DHRS3: variants seen among roughly 807,000 people sequenced by gnomAD.
DHRS3 encodes dehydrogenase/reductase 3.
In DHRS3, 14 loss-of-function variants were observed where a neutral mutation model predicts 27.2. The ratio of observed to expected loss-of-function variants is 0.52; its 90% CI spans 0.34 to 0.81. DHRS3 has a LOEUF of 0.81. Among genes scored for constraint, DHRS3 ranks in the 30% least tolerant of loss-of-function variants. DHRS3 has a pLI of 0.01. For synonymous variants in DHRS3, 165 were observed against 175.9 expected (o/e 0.94, Z 0.49); for missense variants, 322 against 406.2 (o/e 0.79, Z 1.78).
Position 12,593,248 on chromosome 1 carries a change from G to A in DHRS3, c.196-12582C>T, listed in dbSNP as rs78721879. On this transcript the variant is annotated intron_variant, in intron 1 of 5. Transcript: ENST00000616661. The surrounding 1 kb of genome is among the most constrained non-coding windows in gnomAD (Gnocchi z 4.6). ...TCTCAGCTACTCCCTCCTAGGTCTC[G>A]GCCCTGCAGAAGCACTGGCCCCCTC... is the stretch of plus-strand genomic sequence containing the variant. Among the ~76,000 whole-genome samples, 1,374 of 152,240 alleles carry A rather than the reference G, an allele frequency of 9.0e-3. 24 individuals carry two copies. Among genetic ancestry groups the A allele is most frequent in the African/African-American group, 0.032 (1,327 of 41,550 alleles).
intron 1 of DHRS3, among the ~76,000 whole-genome samples, chr1:12,614,654 A>G (rs1646932178): frequency 6.6e-6 from 1 of 151,852 alleles, no homozygotes; most frequent in African/African-American, 2.4e-5. Context: ...TTCCCAAATA[A>G]ACAGATAACT....
In DHRS3 at chr1:12,591,479, C is replaced by T. The variant is rs1646745053; in HGVS notation, c.196-10813G>A. On this transcript the variant is annotated intron_variant, in intron 1 of 5. Transcript: ENST00000616661. This position sits in a 1 kb window ranked among gnomAD's most constrained non-coding sequence, Gnocchi z 4.1. The stretch of plus-strand genomic sequence containing the variant: ...AGATCAGCCAGTGGTGTCGCCCTCC[C>T]ACAAGTCCCTGACCGCAACCTGGAG... Among the ~76,000 whole-genome samples the T allele has an allele frequency of 6.6e-6, 1 of 152,256 alleles. No individual in the cohort carries two copies. The highest frequency in any genetic ancestry group is 2.1e-4 in the South Asian group (1 of 4,832).
chr1:12,598,467 C>T (rs372861263), intron 1 of DHRS3, among the ~76,000 whole-genome samples: 3 of 152,160 alleles, frequency 2.0e-5, no homozygotes, highest in South Asian at 2.1e-4. Flanking sequence ...GTGAGGTTTA[C>T]GGCCCCTTAT....
chr1:12,617,127 A>G, intron 1 of DHRS3, 27 bp downstream of exon 1: 1 of 1,596,894 alleles, frequency 6.3e-7, no homozygotes, highest in Non-Finnish European at 8.5e-7. Flanking sequence ...GCGGCCCCCC[A>G]CTCCCTGGAG....
chr1:12,617,150 G>A lies in DHRS3; in HGVS notation c.195+4C>T. The A allele has an allele frequency of 6.2e-7, 1 of 1,610,344 alleles. No homozygotes were observed. ...CCACTCCCTGGAGTCGCAGTGCCTG[G>A]TACCTTTCTGGCGCCGCGCTCCGCG... On this transcript the variant is annotated splice_donor_region_variant and intron_variant, in intron 1 of 5. Transcript: ENST00000616661.
chr1:12,617,656 G>A lies in DHRS3; in HGVS notation c.-308C>T, dbSNP rs1051347822. On this transcript the variant is annotated 5_prime_UTR_variant, in exon 1 of 6. In the 5' UTR this introduces an upstream ATG that the reference lacks. Transcript: ENST00000616661. ...CAAGAAGTTTCTTGCCCCAGCAGCC[G>A]TTTCGGCTGGGGAATTCTCAGGTAA... The A allele has an allele frequency of 8.0e-6, 2 of 251,292 alleles. No individual in the cohort carries two copies. Among genetic ancestry groups the A allele is most frequent in the African/African-American group, 4.5e-5 (2 of 44,320 alleles). The allele number at this position is 251,292 out of a possible 1,614,324, so 15.6% of individuals were successfully genotyped here.
intron 4 of DHRS3, among the ~76,000 whole-genome samples, chr1:12,573,627 G>A (rs1245627761): frequency 6.6e-6 from 1 of 152,188 alleles, no homozygotes; most frequent in African/African-American, 2.4e-5. Context: ...GCGATGGCTG[G>A]GGCTCAGCTT....
At chr1:12,569,013 T>A (rs933259666) in intron 5 of DHRS3, among the ~76,000 whole-genome samples, 5 of 151,782 alleles carry the variant, frequency 3.3e-5, no homozygotes, top group Admixed American at 1.3e-4. Flanking sequence ...ACCTCAGGAG[T>A]TCGAGAACAG....
At position 12,617,664 on chromosome 1, in the gene DHRS3, T is replaced by TG. The variant is rs1324215102; in HGVS notation, c.-317dup. ...TTCTTGCCCCAGCAGCCGTTTCGGC[T>TG]GGGGAATTCTCAGGTAATGTTTACA... On this transcript the variant is annotated 5_prime_UTR_variant, in exon 1 of 6. Coordinates refer to ENST00000616661, the MANE Select transcript of DHRS3 (RefSeq NM_004753.7). 1.3e-5 allele frequency: 3 copies of TG among 229,608 alleles called. No individual in the cohort carries two copies. Among genetic ancestry groups the TG allele is most frequent in the African/African-American group, 7.1e-5 (3 of 42,354 alleles). 14.2% of individuals were successfully genotyped at this position (229,608 alleles called of 1,614,324 possible).
At chr1:12,601,489 C>A (rs1339669963) in intron 1 of DHRS3, among the ~76,000 whole-genome samples, 1 of 152,142 alleles carries the variant, frequency 6.6e-6, no homozygotes, top group African/African-American at 2.4e-5. Flanking sequence ...AGAAACTCTC[C>A]TGAGTCCTGA....
At chr1:12,600,270 C>T in intron 1 of DHRS3, 1 of 803,228 alleles carries the variant, frequency 1.2e-6, no homozygotes, top group Non-Finnish European at 1.5e-6. Context: ...GACTTGAAGG[C>T]TCAGGAGATA....
chr1:12,585,015 CTG>C lies in DHRS3; in HGVS notation c.196-4351_196-4350del, dbSNP rs372484018. Among the ~76,000 whole-genome samples, 583 of 143,116 alleles carry C rather than the reference CTG, an allele frequency of 4.1e-3. 7 individuals carry two copies. Among genetic ancestry groups the C allele is most frequent in the African/African-American group, 0.014 (528 of 38,378 alleles). The allele number at this position is 143,116 out of a possible 152,430, so 93.9% of individuals were successfully genotyped here. ...TGTGGGTGTGTGTCTGTGTGCATCT[CTG>C]TGTGTGTGTGTGTCTCTGTGTGTCT... On this transcript the variant is annotated intron_variant, in intron 1 of 5. Coordinates refer to ENST00000616661, the MANE Select transcript of DHRS3 (RefSeq NM_004753.7).
rs888251676 is a variant in DHRS3 at position 12,574,695 on chromosome 1, G to T, written c.699-1842C>A. ...ATGGGCTTGACGGGAATCCTTCTTGGTAAGACCCCTGCCAGGGAAGCCGAC... is the reference window on the plus strand; with the variant it reads ...ATGGGCTTGACGGGAATCCTTCTTGTTAAGACCCCTGCCAGGGAAGCCGAC... On this transcript the variant is annotated intron_variant, in intron 4 of 5. Transcript: ENST00000616661. This position sits in a 1 kb window ranked among gnomAD's most constrained non-coding sequence, Gnocchi z 4.6. Among the ~76,000 whole-genome samples, 1 of 152,180 alleles carries T rather than the reference G, an allele frequency of 6.6e-6. No individual in the cohort carries two copies. The highest frequency in any genetic ancestry group is 2.4e-5 in the African/African-American group (1 of 41,456).
intron 1 of DHRS3, among the ~76,000 whole-genome samples, chr1:12,610,181 C>T (rs1646897652): frequency 6.6e-6 from 1 of 152,046 alleles, no homozygotes; most frequent in Non-Finnish European, 1.5e-5. Flanking sequence ...CAGGTTCAAG[C>T]AATTCTCGTG....
intron 5 of DHRS3, 137 bp from the exon 6 acceptor site, chr1:12,568,561 C>T (rs943303513): frequency 1.1e-5 from 8 of 745,254 alleles, no homozygotes; most frequent in Non-Finnish European, 1.8e-5. Flanking sequence ...AAGCCACACA[C>T]CAGTTTCTCC....
intron 1 of DHRS3, among the ~76,000 whole-genome samples, chr1:12,582,493 G>A (rs550937027): frequency 4.4e-4 from 67 of 152,294 alleles, no homozygotes; most frequent in African/African-American, 1.5e-3. Context: ...TCCTTCAAAG[G>A]CAGATGGACT....
At position 12,617,667 on chromosome 1, in the gene DHRS3, G is replaced by A. The variant is rs1570409105; in HGVS notation, c.-319C>T. 2 of 236,000 alleles carry A rather than the reference G, an allele frequency of 8.5e-6. No homozygotes were observed. Among genetic ancestry groups the A allele is most frequent in the East Asian group, 1.6e-4 (2 of 12,480 alleles). 14.6% of individuals were successfully genotyped at this position (236,000 alleles called of 1,614,324 possible). A position where few individuals can be genotyped will look rare whatever the true frequency, so the allele number is the denominator to read the frequency against. On this transcript the variant is annotated 5_prime_UTR_variant, in exon 1 of 6. Transcript: ENST00000616661. ...TTGCCCCAGCAGCCGTTTCGGCTGG[G>A]GAATTCTCAGGTAATGTTTACAGAC...
rs564880112 is a variant in DHRS3 at position 12,572,210 on chromosome 1, C to T, written c.824+518G>A. ...TGAGATGGAGTCTTGCTGAGTCACC[C>T]AGGCTGGAGTGCAGTGGCACGATCT... is the stretch of plus-strand genomic sequence containing the variant. On this transcript the variant is annotated intron_variant, in intron 5 of 5. Transcript: ENST00000616661. Among the ~76,000 whole-genome samples, 8 of 152,298 alleles carry T rather than the reference C, an allele frequency of 5.3e-5. No individual in the cohort carries two copies. In the South Asian group the frequency reaches 1.7e-3, roughly 32 times the overall value.
chr1:12,568,577 C>T (rs901680727), intron 5 of DHRS3, among the ~76,000 whole-genome samples, 153 bp from the exon 6 acceptor site: 4 of 152,126 alleles, frequency 2.6e-5, no homozygotes, highest in African/African-American at 9.7e-5. Context: ...TCTCCCCAAA[C>T]CCCCACCCTC....
Sources: allele counts gnomAD v4.1 joint callset (sites outside exome capture counted in the v4.1 genomes callset), GRCh38; gene constraint gnomAD v4.1.1; non-coding constraint Gnocchi (gnomAD v3.1); transcripts MANE v1.5; gene names NCBI Gene and HGNC (gene_info 2026-07-23, HGNC 2026-07-21).